ARFGEF1: variants seen among roughly 807,000 people sequenced by gnomAD.
ARFGEF1 encodes brefeldin A-inhibited guanine nucleotide-exchange protein 1.
A neutral mutation model predicts 231.0 loss-of-function variants in ARFGEF1; 42 were observed. The observed-to-expected ratio is 0.18, with a 90% CI of 0.14 to 0.24. The LOEUF (loss-of-function observed/expected upper bound fraction) is 0.24, where lower values mean the gene tolerates loss of function less well. Among genes scored for constraint, ARFGEF1 ranks in the 10% least tolerant of loss-of-function variants. The pLI is 1.00. For missense variants in ARFGEF1, 1,345 were observed against 2,192.0 expected, an observed-to-expected ratio of 0.61 and a Z score of 7.72; for synonymous variants, 710 against 732.3, an observed-to-expected ratio of 0.97 and a Z score of 0.49.
intron 5 of ARFGEF1, among the ~76,000 whole-genome samples, chr8:67,184,672 T>C (rs1162502044): frequency 6.6e-6 from 1 of 151,434 alleles, no homozygotes; most frequent in African/African-American, 2.4e-5. Context: ...TACAGTGAGC[T>C]GAAATCGTGC....
intron 1 of ARFGEF1, among the ~76,000 whole-genome samples, chr8:67,321,669 CCAAG>C (rs1254075318): frequency 1.3e-5 from 2 of 151,670 alleles, no homozygotes; most frequent in Non-Finnish European, 2.9e-5. Context: ...ACCGTGTTAG[CCAAG>C]ATGGTCTCGA....
chr8:67,286,207 C>T (rs1360601353), intron 7 of ARFGEF1, among the ~76,000 whole-genome samples: 1 of 152,184 alleles, frequency 6.6e-6, no homozygotes, highest in Non-Finnish European at 1.5e-5. Flanking sequence ...TCAGCAAAGA[C>T]ACATACATTA....
intron 5 of ARFGEF1, among the ~76,000 whole-genome samples, chr8:67,180,614 T>C (rs1372917069): frequency 6.6e-6 from 1 of 152,158 alleles, no homozygotes; most frequent in Non-Finnish European, 1.5e-5. Flanking sequence ...AGATGGTAAA[T>C]TTGAATAAGA....
rs75872839 is a variant in ARFGEF1 at position 67,340,891 on chromosome 8, G to A, written c.124+2273C>T. On this transcript the variant is annotated intron_variant, in intron 1 of 38. Transcript: ENST00000262215. ...GTTGGCACACATATCAAGTAATCCC[G>A]ACCTCCAGAAATGGCAAGGACCATT... 8.5e-3 allele frequency among the ~76,000 whole-genome samples: 1,290 copies of A among 152,154 alleles called. 8 individuals are homozygous for A. The highest frequency in any genetic ancestry group is 0.014 in the Non-Finnish European group (933 of 68,002).
rs1391875717 is a variant in ARFGEF1, at chr8:67,216,579, T to C, written c.4686+11A>G. The C allele has an allele frequency of 6.3e-7, 1 of 1,595,638 alleles. No homozygotes were observed. The highest frequency in any genetic ancestry group is 8.5e-7 in the Non-Finnish European group (1 of 1,174,562). ...AACTAATTTCAATATACTTTACTGA[T>C]TAAAACTTACCAATGGCTTTTCACT... On this transcript the variant is annotated intron_variant, in intron 33 of 38. Coordinates refer to ENST00000262215, the MANE Select transcript of ARFGEF1 (RefSeq NM_006421.5).
intron 32 of ARFGEF1, 101 bp downstream of exon 32, chr8:67,217,681 T>C (rs1380875955): frequency 7.9e-7 from 1 of 1,263,660 alleles, no homozygotes; most frequent in Non-Finnish European, 1.1e-6. Flanking sequence ...GGATTTCTGT[T>C]ATGAGAAATC....
At chr8:67,340,662 T>C (rs1335098851) in intron 1 of ARFGEF1, among the ~76,000 whole-genome samples, 7 of 152,242 alleles carry the variant, frequency 4.6e-5, no homozygotes, top group Admixed American at 3.3e-4. Flanking sequence ...ACCATGAGAT[T>C]ACTGAGATTT....
intron 18 of ARFGEF1, among the ~76,000 whole-genome samples, chr8:67,251,943 T>C (rs990689699): frequency 1.3e-5 from 2 of 151,644 alleles, no homozygotes; most frequent in Non-Finnish European, 1.5e-5. Context: ...AACCCAAATA[T>C]GGAATGGGAG....
chr8:67,203,451 C>T (rs1489195586), intron 35 of ARFGEF1, among the ~76,000 whole-genome samples, 200 bp from the exon 36 acceptor site: 1 of 152,208 alleles, frequency 6.6e-6, no homozygotes, highest in African/African-American at 2.4e-5. Flanking sequence ...AGTCCAGACC[C>T]TCCTGGACTC....
At chr8:67,300,033 T>C (rs1377911987) in intron 3 of ARFGEF1, among the ~76,000 whole-genome samples, 1 of 152,198 alleles carries the variant, frequency 6.6e-6, no homozygotes, top group Non-Finnish European at 1.5e-5. Flanking sequence ...ATACTGCTTT[T>C]GTGAAAATTA....
intron 22 of ARFGEF1, among the ~76,000 whole-genome samples, chr8:67,234,509 A>G (rs1010950062): frequency 3.9e-5 from 6 of 152,144 alleles, no homozygotes; most frequent in Admixed American, 3.3e-4. Context: ...GCAGCTATAT[A>G]AAGTAATGGA....
At chr8:67,308,925 C>G (rs75546134) in intron 1 of ARFGEF1, among the ~76,000 whole-genome samples, 2,464 of 152,060 alleles carry the variant, frequency 0.016, 70 homozygotes, top group African/African-American at 0.057. Context: ...TTAAAATCTA[C>G]CTTTAGTAAT....
At chr8:67,342,007 C>T (rs7813810) in intron 1 of ARFGEF1, among the ~76,000 whole-genome samples, 78,094 of 152,014 alleles carry the variant, frequency 0.51, 23,467 homozygotes, top group African/African-American at 0.85. Flanking sequence ...GGTAGTCTTC[C>T]ATTTAATAAT....
At chr8:67,334,135 T>TC (rs1808231330) in intron 1 of ARFGEF1, among the ~76,000 whole-genome samples, 1 of 84,536 alleles carries the variant, frequency 1.2e-5, no homozygotes. Context: ...AAACTCCGTC[T>TC]CAAAAAAAAA....
At chr8:67,236,365 A>AAAT (rs1554638966) in intron 22 of ARFGEF1, among the ~76,000 whole-genome samples, 8 of 29,064 alleles carry the variant, frequency 2.8e-4, no homozygotes, top group Non-Finnish European at 4.2e-4. Context: ...AAAAAAAAAA[A>AAAT]ATATATATAT....
chr8:67,342,904 G>C (rs1808710095), intron 1 of ARFGEF1, among the ~76,000 whole-genome samples: 1 of 151,930 alleles, frequency 6.6e-6, no homozygotes, highest in African/African-American at 2.4e-5. Flanking sequence ...TCGATCCCTC[G>C]AACCCAGGTG....
chr8:67,238,337 T>G lies in ARFGEF1; in HGVS notation c.3289+6A>C. 1.3e-6 allele frequency: 2 copies of G among 1,580,834 alleles called. No homozygotes were observed. The highest frequency in any genetic ancestry group is 1.7e-6 in the Non-Finnish European group (2 of 1,169,544). On this transcript the variant is annotated splice_donor_region_variant and intron_variant, in intron 22 of 38. Coordinates refer to ENST00000262215, the MANE Select transcript of ARFGEF1 (RefSeq NM_006421.5). ...ACAATTTTTGATACTTTGTAAAAAT[T>G]CTCACCTAGCCCTAAACCCACAAAT...
intron 28 of ARFGEF1, among the ~76,000 whole-genome samples, chr8:67,225,641 T>C (rs772190320): frequency 6.6e-5 from 10 of 152,154 alleles, no homozygotes; most frequent in African/African-American, 1.9e-4. Context: ...AGATGCACTG[T>C]AGGGAATGGT....
intron 1 of ARFGEF1, among the ~76,000 whole-genome samples, chr8:67,313,672 G>A (rs901982840): frequency 6.6e-6 from 1 of 152,174 alleles, no homozygotes; most frequent in Admixed American, 6.5e-5. Flanking sequence ...AGGTGGCGGA[G>A]GGTGCAATGG....
Sources: allele counts gnomAD v4.1 joint callset (sites outside exome capture counted in the v4.1 genomes callset), GRCh38; gene constraint gnomAD v4.1.1; transcripts MANE v1.5; gene names NCBI Gene and HGNC (gene_info 2026-07-23, HGNC 2026-07-21).